CWC27: variants seen among roughly 807,000 people sequenced by gnomAD.
The protein encoded by CWC27 is spliceosome-associated protein CWC27 homolog.
A neutral mutation model predicts 63.6 loss-of-function variants in CWC27; 47 were observed. The observed-to-expected ratio is 0.74, with a 90% CI of 0.58 to 0.94. CWC27 has a LOEUF of 0.94. CWC27 is among the 40% of genes least tolerant of loss of function. The pLI is 0.00. For missense variants in CWC27, 495 were observed against 554.3 expected (o/e 0.89, Z 1.07); for synonymous variants, 175 against 179.8 (o/e 0.97, Z 0.22).
At chr5:64,953,663 A>G (rs775536608) in intron 11 of CWC27, among the ~76,000 whole-genome samples, 3 of 152,096 alleles carry the variant, frequency 2.0e-5, no homozygotes, top group Non-Finnish European at 4.4e-5. Flanking sequence ...AATTAATGCC[A>G]TTTCAAAACA....
chr5:64,971,960 G>T (rs1257091213), intron 12 of CWC27, 148 bp downstream of exon 12: 2 of 442,704 alleles, frequency 4.5e-6, no homozygotes, highest in Admixed American at 4.2e-5. Flanking sequence ...GGTGGACATT[G>T]GCCACTCACA....
intron 10 of CWC27, among the ~76,000 whole-genome samples, chr5:64,860,918 C>T (rs1284130304): frequency 2.6e-5 from 4 of 152,244 alleles, no homozygotes; most frequent in African/African-American, 9.6e-5. Flanking sequence ...ACCTCAAACT[C>T]AGTAACTAAA....
At chr5:65,009,391 T>C (rs1179918214) in intron 13 of CWC27, among the ~76,000 whole-genome samples, 1 of 152,196 alleles carries the variant, frequency 6.6e-6, no homozygotes, top group Non-Finnish European at 1.5e-5. Flanking sequence ...CAAACCACAG[T>C]AGCAGTATAA....
chr5:64,852,596 G>A (rs1358192072), intron 10 of CWC27, among the ~76,000 whole-genome samples: 1 of 151,704 alleles, frequency 6.6e-6, no homozygotes, highest in Non-Finnish European at 1.5e-5. Context: ...CTTAGCCTCT[G>A]GAGTAGCTGG....
intron 10 of CWC27, among the ~76,000 whole-genome samples, chr5:64,831,475 GAGATAGAT>G (rs3075244): frequency 0.016 from 2,385 of 148,310 alleles, 44 homozygotes; most frequent in African/African-American, 0.044. Flanking sequence ...TTATTTATTT[GAGATAGAT>G]AGATAGATAG....
intron 11 of CWC27, among the ~76,000 whole-genome samples, chr5:64,945,961 G>T (rs1748583455): frequency 6.6e-6 from 1 of 152,078 alleles, no homozygotes; most frequent in South Asian, 2.1e-4. Context: ...TGATAAGTTT[G>T]TTATTGATAT....
At chr5:64,873,696 T>A (rs1357495983) in intron 10 of CWC27, among the ~76,000 whole-genome samples, 1 of 152,180 alleles carries the variant, frequency 6.6e-6, no homozygotes, top group East Asian at 1.9e-4. Flanking sequence ...GTCCCATTTG[T>A]CTATTTTTGT....
In CWC27 at chr5:64,858,166, G is replaced by T. The variant is rs1198323236; in HGVS notation, c.939-27277G>T. Among the ~76,000 whole-genome samples the T allele has an allele frequency of 2.0e-3, 170 of 85,084 alleles. 1 individual carries two copies. Among genetic ancestry groups the T allele is most frequent in the Non-Finnish European group, 2.3e-3 (97 of 42,714 alleles). 55.8% of individuals were successfully genotyped at this position (85,084 alleles called of 152,430 possible). A position where few individuals can be genotyped will look rare whatever the true frequency, so the allele number is the denominator to read the frequency against. ...AAAAAAAAAAAAAAAAAAAAAAAAT[G>T]AATAGGAAGCCGGCCGGGCGTGGTG... On this transcript the variant is annotated intron_variant, in intron 10 of 13. Transcript: ENST00000381070.
intron 11 of CWC27, among the ~76,000 whole-genome samples, chr5:64,943,645 T>C (rs1363099896): frequency 6.6e-6 from 1 of 152,192 alleles, no homozygotes; most frequent in South Asian, 2.1e-4. Context: ...TATAAATACC[T>C]CTGCCCCATG....
In CWC27 at chr5:64,807,844, C is replaced by T. The variant is rs140589777; in HGVS notation, c.938+3458C>T. 220 of 1,522,638 alleles carry T rather than the reference C, an allele frequency of 1.4e-4. 1 individual carries two copies. In the East Asian group the frequency reaches 2.1e-3, roughly 14 times the overall value. The allele number at this position is 1,522,638 out of a possible 1,614,324, so 94.3% of individuals were successfully genotyped here. On this transcript the variant is annotated intron_variant, in intron 10 of 13. Transcript: ENST00000381070. ...TCAACCCGTATTTCTTTCTCTTCCC[C>T]GCTTCGAGAGTAAAAACTAACAAAA...
At chr5:64,953,087 G>T (rs150568470) in intron 11 of CWC27, among the ~76,000 whole-genome samples, 1 of 152,206 alleles carries the variant, frequency 6.6e-6, no homozygotes, top group African/African-American at 2.4e-5. Context: ...TTGAATAGAA[G>T]AGTGTTGCAA....
At chr5:64,904,585 C>T (rs374648434) in intron 11 of CWC27, among the ~76,000 whole-genome samples, 15 of 152,194 alleles carry the variant, frequency 9.9e-5, no homozygotes, top group Non-Finnish European at 7.4e-5. Context: ...GGAGAAGAGG[C>T]ATGAGAAAGC....
At chr5:64,830,074 G>A (rs957345307) in intron 10 of CWC27, among the ~76,000 whole-genome samples, 78 of 139,706 alleles carry the variant, frequency 5.6e-4, no homozygotes, top group African/African-American at 2.1e-3. Context: ...TGTGCACAAC[G>A]TGCAGGTTTG....
intron 11 of CWC27, among the ~76,000 whole-genome samples, chr5:64,950,984 A>G (rs1748695799): frequency 6.6e-6 from 1 of 151,966 alleles, no homozygotes. Flanking sequence ...ATTCCACTGT[A>G]TGTGTATACC....
intron 13 of CWC27, among the ~76,000 whole-genome samples, chr5:65,001,445 G>A (rs779990101): frequency 7.2e-5 from 11 of 152,130 alleles, no homozygotes; most frequent in Non-Finnish European, 1.6e-4. Flanking sequence ...TATGATGTCA[G>A]CTGTGAGCTT....
chr5:64,837,061 C>T (rs1470120285), intron 10 of CWC27, among the ~76,000 whole-genome samples: 1 of 152,048 alleles, frequency 6.6e-6, no homozygotes, highest in African/African-American at 2.4e-5. Context: ...ATACTCATGT[C>T]TGCAGTAAGA....
chr5:64,774,829 T>A, intron 2 of CWC27, 42 bp downstream of exon 2: 1 of 1,201,564 alleles, frequency 8.3e-7, no homozygotes, highest in Non-Finnish European at 1.2e-6. Flanking sequence ...CTTGTTAATT[T>A]AAAAATAAAC....
chr5:65,005,239 C>T (rs1251482881), intron 13 of CWC27, among the ~76,000 whole-genome samples: 1 of 151,590 alleles, frequency 6.6e-6, no homozygotes, highest in Non-Finnish European at 1.5e-5. Context: ...CCAGATGGCA[C>T]ATTTAGGCAC....
At chr5:64,917,880 GA>G (rs1158580150) in intron 11 of CWC27, among the ~76,000 whole-genome samples, 1 of 151,854 alleles carries the variant, frequency 6.6e-6, no homozygotes, top group African/African-American at 2.4e-5. Flanking sequence ...GCTGACTGCA[GA>G]CCTTGAAACT....
Sources: allele counts gnomAD v4.1 joint callset (sites outside exome capture counted in the v4.1 genomes callset), GRCh38; gene constraint gnomAD v4.1.1; transcripts MANE v1.5; gene names NCBI Gene and HGNC (gene_info 2026-07-23, HGNC 2026-07-21).